The following RARB variants were observed in gnomAD, a reference collection of about 807,000 sequenced individuals.
The protein encoded by RARB is HBV-activated protein.
RARB carries 17 observed loss-of-function variants against 51.9 expected under a neutral mutation model. The observed-to-expected ratio is 0.33, with a 90% CI of 0.22 to 0.49. RARB has a LOEUF of 0.49. Ranked by LOEUF, RARB falls within the 20% of genes least tolerant of loss-of-function variation. RARB has a pLI of 0.99. For missense variants in RARB, 369 were observed against 550.8 expected, an observed-to-expected ratio of 0.67 and a Z score of 3.30; for synonymous variants, 215 against 195.4, an observed-to-expected ratio of 1.10 and a Z score of -0.84.
At chr3:25,372,067 C>G (rs1021699451) in intron 5 of RARB, among the ~76,000 whole-genome samples, 4 of 152,228 alleles carry the variant, frequency 2.6e-5, no homozygotes, top group African/African-American at 9.6e-5. Context: ...AGAGGAGACC[C>G]AAGAAGCATG....
chr3:25,121,121 T>G (rs1161798184), intron 3 of RARB, among the ~76,000 whole-genome samples: 2 of 152,042 alleles, frequency 1.3e-5, no homozygotes, highest in Non-Finnish European at 2.9e-5. Flanking sequence ...AGGGGAAGGA[T>G]CACTATTTCT....
intron 2 of RARB, among the ~76,000 whole-genome samples, chr3:24,878,173 C>T (rs1239179383): frequency 6.6e-6 from 1 of 150,452 alleles, no homozygotes; most frequent in Non-Finnish European, 1.5e-5. Flanking sequence ...AGCTTTTGTC[C>T]TCAAGTCTCT....
At chr3:25,336,317 A>G (rs2125448095) in intron 5 of RARB, among the ~76,000 whole-genome samples, 1 of 152,332 alleles carries the variant, frequency 6.6e-6, no homozygotes, top group African/African-American at 2.4e-5. Context: ...AAAATAAGTA[A>G]TAATAGCCTC....
chr3:25,003,784 T>C (rs1697215324), intron 2 of RARB, among the ~76,000 whole-genome samples: 1 of 152,068 alleles, frequency 6.6e-6, no homozygotes, highest in Non-Finnish European at 1.5e-5. Flanking sequence ...TGAACAGATA[T>C]ACAGATAAAA....
chr3:25,178,460 C>T (rs1559494031), intron 5 of RARB, among the ~76,000 whole-genome samples: 1 of 151,852 alleles, frequency 6.6e-6, no homozygotes, highest in Non-Finnish European at 1.5e-5. Context: ...AGATAAAGAC[C>T]AGGAGGCTTA....
chr3:25,366,742 C>T (rs2125468543), intron 5 of RARB, among the ~76,000 whole-genome samples: 1 of 152,290 alleles, frequency 6.6e-6, no homozygotes, highest in South Asian at 2.1e-4. Flanking sequence ...TCTGTGAGCA[C>T]ACATGAACTC....
intron 4 of RARB, among the ~76,000 whole-genome samples, chr3:25,573,329 C>A (rs936336035): frequency 6.6e-6 from 1 of 152,172 alleles, no homozygotes; most frequent in Non-Finnish European, 1.5e-5. Context: ...TCCTATCCAC[C>A]CCAATATGGG....
intron 5 of RARB, among the ~76,000 whole-genome samples, chr3:25,234,968 A>G (rs536140959): frequency 1.1e-4 from 16 of 152,106 alleles, no homozygotes; most frequent in Non-Finnish European, 2.4e-4. Context: ...CTTGGGAGAA[A>G]AAAAGGAGGG....
rs1180200735 is a variant in RARB, at chr3:25,131,831, A to G, written c.-327-330A>G. Among the ~76,000 whole-genome samples, 9 of 152,002 alleles carry G rather than the reference A, an allele frequency of 5.9e-5. No homozygotes were observed. In the East Asian group the frequency reaches 1.6e-3, roughly 26 times the overall value. ...CCCCTCCCCAAAATTAAGGGCAACA[A>G]AATACCAAGCTGAGAAGTTTTTCAC... On this transcript the variant is annotated intron_variant, in intron 3 of 11. Transcript: ENST00000383772.
At chr3:25,414,897 A>G (rs1707659060) in intron 5 of RARB, among the ~76,000 whole-genome samples, 1 of 152,158 alleles carries the variant, frequency 6.6e-6, no homozygotes, top group South Asian at 2.1e-4. Flanking sequence ...GCTGGAGTGT[A>G]ATGGTGTTAT....
intron 5 of RARB, among the ~76,000 whole-genome samples, chr3:25,290,763 G>A (rs939820592): frequency 6.6e-6 from 1 of 152,008 alleles, no homozygotes; most frequent in East Asian, 1.9e-4. Flanking sequence ...TATATATAAG[G>A]GCCATTGACA....
chr3:25,061,668 ATTTATTGTTGCAGTT>A (rs1698553187), intron 3 of RARB, among the ~76,000 whole-genome samples: 1 of 151,768 alleles, frequency 6.6e-6, no homozygotes, highest in Admixed American at 6.6e-5. Context: ...AATAATGCTA[ATTTATTGTTGCAGTT>A]TAATAATAAT....
At chr3:25,096,331 A>G (rs1165466091) in intron 3 of RARB, among the ~76,000 whole-genome samples, 1 of 152,128 alleles carries the variant, frequency 6.6e-6, no homozygotes, top group Non-Finnish European at 1.5e-5. Context: ...GTGCCTCAAG[A>G]GGGGAGAGAA....
intron 1 of RARB, among the ~76,000 whole-genome samples, chr3:24,829,886 G>T (rs1352220862): frequency 6.6e-6 from 1 of 152,222 alleles, no homozygotes; most frequent in Non-Finnish European, 1.5e-5. Flanking sequence ...GCGCCCTTGG[G>T]AGCAGAGGTT....
intron 3 of RARB, among the ~76,000 whole-genome samples, chr3:25,533,937 T>C (rs1384678511): frequency 6.6e-6 from 1 of 152,224 alleles, no homozygotes; most frequent in Non-Finnish European, 1.5e-5. Context: ...CTCATTCCTG[T>C]TGAAACTTTC....
chr3:25,053,444 A>T (rs924629258), intron 2 of RARB, among the ~76,000 whole-genome samples: 3 of 152,150 alleles, frequency 2.0e-5, no homozygotes, highest in Non-Finnish European at 4.4e-5. Flanking sequence ...TCCATAGTAG[A>T]TGTTTATTGA....
intron 2 of RARB, among the ~76,000 whole-genome samples, chr3:24,924,568 T>C (rs1695278418): frequency 6.6e-6 from 1 of 152,184 alleles, no homozygotes; most frequent in East Asian, 1.9e-4. Flanking sequence ...CTAATAGATA[T>C]CATATTGGAC....
rs1701921752 is a variant in RARB at position 25,597,692 on chromosome 3, C to G, written c.*1076C>G. On this transcript the variant is annotated 3_prime_UTR_variant, in exon 8 of 8. Coordinates refer to ENST00000330688, the MANE Select transcript of RARB (RefSeq NM_000965.5). ...TGCCTCCTTTGACCTTGTTCAATCA[C>G]TATGAAGCAGAGTGAAAGCTGTGGT... is the stretch of plus-strand genomic sequence containing the variant. 1 of 152,540 alleles carries G rather than the reference C, an allele frequency of 6.6e-6. No homozygotes were observed. The highest frequency in any genetic ancestry group is 1.5e-5 in the Non-Finnish European group (1 of 68,032). The allele number at this position is 152,540 out of a possible 1,614,324, so 9.4% of individuals were successfully genotyped here.
At chr3:25,200,699 A>G (rs1701367281) in intron 5 of RARB, among the ~76,000 whole-genome samples, 1 of 152,024 alleles carries the variant, frequency 6.6e-6, no homozygotes. Flanking sequence ...TAAATAGGTA[A>G]TCCTTTCCCC....
Sources: gnomAD v4.1 joint callset for allele counts (sites outside exome capture counted in the v4.1 genomes callset) on GRCh38, gnomAD v4.1.1 for gene constraint, MANE v1.5 for transcripts, NCBI Gene and HGNC (gene_info 2026-07-23, HGNC 2026-07-21) for gene names.